Variants in SPOCK1 observed in about 807,000 individuals in gnomAD.
The protein encoded by SPOCK1 is testican-1.
In SPOCK1, 23 loss-of-function variants were observed where a neutral mutation model predicts 55.3. The ratio of observed to expected loss-of-function variants is 0.42; its 90% confidence interval spans 0.30 to 0.59. The LOEUF (loss-of-function observed/expected upper bound fraction) is 0.59, where lower values mean the gene tolerates loss of function less well. Ranked by LOEUF, SPOCK1 falls within the 20% of genes least tolerant of loss-of-function variation. The pLI is 0.22. For synonymous variants in SPOCK1, 226 were observed against 221.0 expected, an observed-to-expected ratio of 1.02 and a Z score of -0.20; for missense variants, 499 against 552.5, an observed-to-expected ratio of 0.90 and a Z score of 0.97.
intron 2 of SPOCK1, among the ~76,000 whole-genome samples, chr5:137,305,523 C>T (rs186997259): frequency 1.1e-3 from 164 of 152,344 alleles, no homozygotes; most frequent in African/African-American, 3.5e-3. Flanking sequence ...ACCTGGCCAC[C>T]GGAAGTGCTC....
At chr5:137,095,347 A>T (rs558475471) in intron 5 of SPOCK1, among the ~76,000 whole-genome samples, 5 of 152,296 alleles carry the variant, frequency 3.3e-5, no homozygotes, top group African/African-American at 1.2e-4. Context: ...ATTTGTAAAA[A>T]AAACCTTAGT....
intron 4 of SPOCK1, among the ~76,000 whole-genome samples, chr5:137,127,268 AG>A (rs1362493616): frequency 1.3e-5 from 2 of 152,246 alleles, no homozygotes; most frequent in African/African-American, 4.8e-5. Context: ...AGCCACAGTG[AG>A]TACTATGAGG....
chr5:137,223,804 C>T (rs1447522021), intron 3 of SPOCK1, among the ~76,000 whole-genome samples: 1 of 151,618 alleles, frequency 6.6e-6, no homozygotes, highest in African/African-American at 2.4e-5. Context: ...TCTGCCTACT[C>T]AGGAACATCT....
chr5:136,996,590 C>G (rs1242712558), intron 6 of SPOCK1, among the ~76,000 whole-genome samples: 1 of 152,138 alleles, frequency 6.6e-6, no homozygotes, highest in African/African-American at 2.4e-5. Context: ...CAGCATCCTA[C>G]TGAGAGGTGA....
intron 3 of SPOCK1, among the ~76,000 whole-genome samples, chr5:137,150,689 G>A (rs1754302385): frequency 6.6e-6 from 1 of 152,248 alleles, no homozygotes; most frequent in South Asian, 2.1e-4. Context: ...CAAGGCAGGT[G>A]TGGTGTATAA....
intron 2 of SPOCK1, among the ~76,000 whole-genome samples, chr5:137,417,674 A>AT (rs1752369138): frequency 6.6e-6 from 1 of 152,138 alleles, no homozygotes; most frequent in Non-Finnish European, 1.5e-5. Context: ...CATATTTTAG[A>AT]TACATCTATT....
At chr5:137,038,632 GC>G (rs1751929414) in intron 6 of SPOCK1, among the ~76,000 whole-genome samples, 1 of 152,124 alleles carries the variant, frequency 6.6e-6, no homozygotes, top group African/African-American at 2.4e-5. Context: ...GTCCTCTCTG[GC>G]TCTCATTACT....
At chr5:137,305,640 C>T (rs925781255) in intron 2 of SPOCK1, among the ~76,000 whole-genome samples, 1 of 152,192 alleles carries the variant, frequency 6.6e-6, no homozygotes, top group Non-Finnish European at 1.5e-5. Context: ...AGCTTAACGG[C>T]CATTTAATTA....
At chr5:137,200,828 C>T (rs1164554379) in intron 3 of SPOCK1, among the ~76,000 whole-genome samples, 1 of 152,028 alleles carries the variant, frequency 6.6e-6, no homozygotes, top group Non-Finnish European at 1.5e-5. Context: ...GAAACTGAGG[C>T]TTTGAGTAGT....
intron 2 of SPOCK1, among the ~76,000 whole-genome samples, chr5:137,281,380 T>C (rs1379886043): frequency 2.0e-5 from 3 of 152,230 alleles, no homozygotes; most frequent in African/African-American, 4.8e-5. Context: ...TGGGCCATGA[T>C]CATGGCTAAA....
intron 2 of SPOCK1, among the ~76,000 whole-genome samples, chr5:137,465,187 A>T (rs1337117654): frequency 1.3e-5 from 2 of 152,198 alleles, no homozygotes; most frequent in African/African-American, 4.8e-5. Context: ...AAGATCGCCA[A>T]ATAAGTGAAC....
intron 2 of SPOCK1, among the ~76,000 whole-genome samples, chr5:137,447,102 C>G (rs1301348447): frequency 6.6e-6 from 1 of 152,212 alleles, no homozygotes; most frequent in African/African-American, 2.4e-5. Flanking sequence ...GTTGTTAATG[C>G]TGCTATGAAT....
At chr5:137,426,885 C>T (rs1408689504) in intron 2 of SPOCK1, among the ~76,000 whole-genome samples, 1 of 152,146 alleles carries the variant, frequency 6.6e-6, no homozygotes, top group African/African-American at 2.4e-5. Flanking sequence ...AGGTGCACCA[C>T]AATATTGCTG....
chr5:137,439,807 T>A (rs1752950693), intron 2 of SPOCK1, among the ~76,000 whole-genome samples: 1 of 152,220 alleles, frequency 6.6e-6, no homozygotes, highest in African/African-American at 2.4e-5. Context: ...ATGATAAGCA[T>A]CTTCTCTGAA....
At chr5:137,096,417 G>A (rs1294181722) in intron 5 of SPOCK1, among the ~76,000 whole-genome samples, 1 of 152,148 alleles carries the variant, frequency 6.6e-6, no homozygotes, top group Non-Finnish European at 1.5e-5. Context: ...GGTCTATGGA[G>A]CCCAGCCCTC....
At chr5:137,419,437 G>A (rs914297053) in intron 2 of SPOCK1, among the ~76,000 whole-genome samples, 1 of 152,172 alleles carries the variant, frequency 6.6e-6, no homozygotes, top group African/African-American at 2.4e-5. Flanking sequence ...CCATGAGCAT[G>A]GAATGTTCTT....
chr5:137,099,416 T>C (rs1580749842), intron 5 of SPOCK1, among the ~76,000 whole-genome samples: 1 of 152,170 alleles, frequency 6.6e-6, no homozygotes, highest in African/African-American at 2.4e-5. Flanking sequence ...TATATGTCTT[T>C]AAATATTTTG....
At chr5:137,199,064 A>T (rs188978329) in intron 3 of SPOCK1, among the ~76,000 whole-genome samples, 4 of 152,338 alleles carry the variant, frequency 2.6e-5, no homozygotes, top group East Asian at 1.9e-4. Context: ...TGTGGATTCT[A>T]GTTCACTGTT....
chr5:137,433,500 T>C (rs928205051), intron 2 of SPOCK1, among the ~76,000 whole-genome samples: 5 of 152,184 alleles, frequency 3.3e-5, no homozygotes, highest in African/African-American at 7.2e-5. Context: ...ATCTGTAGAA[T>C]CCTCCAGATG....
Sources: gnomAD v4.1 joint callset for allele counts (sites outside exome capture counted in the v4.1 genomes callset) on GRCh38, gnomAD v4.1.1 for gene constraint, MANE v1.5 for transcripts, NCBI Gene and HGNC (gene_info 2026-07-23, HGNC 2026-07-21) for gene names.